IRAK4: variants seen among roughly 807,000 people sequenced by gnomAD.
IRAK4 encodes interleukin-1 receptor-associated kinase 4.
A neutral mutation model predicts 51.8 loss-of-function variants in IRAK4; 44 were observed. The observed-to-expected ratio is 0.85, with a 90% CI of 0.67 to 1.09. IRAK4 has a LOEUF of 1.09. IRAK4 is among the 50% of genes least tolerant of loss of function. The probability of loss-of-function intolerance (pLI) is 0.00; values close to 1 mark genes in which losing one functional copy is unlikely to be tolerated. For missense variants in IRAK4, 487 were observed against 538.0 expected, an observed-to-expected ratio of 0.91 and a Z score of 0.94; for synonymous variants, 149 against 174.1, an observed-to-expected ratio of 0.86 and a Z score of 1.13.
In IRAK4 at chr12:43,772,515, C is replaced by A. The variant is rs4251473; in HGVS notation, c.490+153C>A. Among the ~76,000 whole-genome samples, 17,556 of 152,148 alleles carry A rather than the reference C, an allele frequency of 0.12. 1,205 individuals are homozygous for A. Among genetic ancestry groups the A allele is most frequent in the African/African-American group, 0.19 (7,826 of 41,482 alleles). On this transcript the variant is annotated intron_variant, in intron 4 of 11. Coordinates refer to ENST00000613694, the MANE Select transcript of IRAK4 (RefSeq NM_016123.4). ...TTGTTTCCTCCTGATATATTAAGAACCATCTTCATTGTATTAATCAGTGAT... is the reference window on the plus strand; with the variant it reads ...TTGTTTCCTCCTGATATATTAAGAAACATCTTCATTGTATTAATCAGTGAT...
At chr12:43,768,067 A>G in intron 1 of IRAK4, 36 bp from the exon 2 acceptor site, 1 of 1,498,172 alleles carries the variant, frequency 6.7e-7, no homozygotes, top group Non-Finnish European at 9.3e-7. Flanking sequence ...CTCTAAAAGT[A>G]CTGTAAAATT....
chr12:43,780,957 T>A (rs1941729346), intron 8 of IRAK4, among the ~76,000 whole-genome samples: 1 of 152,220 alleles, frequency 6.6e-6, no homozygotes, highest in Non-Finnish European at 1.5e-5. Flanking sequence ...ATTATTAGCT[T>A]CCAATCCTGG....
intron 8 of IRAK4, among the ~76,000 whole-genome samples, chr12:43,781,842 G>A (rs2138041185): frequency 1.3e-5 from 2 of 152,244 alleles, no homozygotes; most frequent in South Asian, 4.1e-4. Context: ...AAGCCAGATA[G>A]TACAGAACAA....
At position 43,782,594 on chromosome 12, in the gene IRAK4, A is replaced by C. The variant is rs548140096; in HGVS notation, c.1125+104A>C. 122 of 977,360 alleles carry C rather than the reference A, an allele frequency of 1.2e-4. No individual in the cohort carries two copies. In the African/African-American group the frequency reaches 1.8e-3, roughly 14 times the overall value. The allele number at this position is 977,360 out of a possible 1,614,324, so 60.5% of individuals were successfully genotyped here. A position where few individuals can be genotyped will look rare whatever the true frequency, so the allele number is the denominator to read the frequency against. ...CCCATCTTGTTTATCTCTCTTATGT[A>C]ACAATATAAGTTTTTCACATTAACC... On this transcript the variant is annotated intron_variant, in intron 9 of 11. Transcript: ENST00000613694.
intron 8 of IRAK4, among the ~76,000 whole-genome samples, chr12:43,781,915 A>G (rs1431360696): frequency 6.6e-6 from 1 of 152,224 alleles, no homozygotes; most frequent in Non-Finnish European, 1.5e-5. Context: ...ATGAATTGAT[A>G]CATACTAAGA....
Position 43,779,607 on chromosome 12 carries a change from A to G in IRAK4, c.941+1305A>G, listed in dbSNP as rs1287514216. 3.9e-5 allele frequency among the ~76,000 whole-genome samples: 6 copies of G among 152,304 alleles called. No homozygotes were observed. In the South Asian group the frequency reaches 1.0e-3, roughly 26 times the overall value. ...AAACTTGTTGATACCTTGGCTATGC[A>G]GGGGTTCAGGAAGAGCGAAGTATCA... On this transcript the variant is annotated intron_variant, in intron 8 of 11. Coordinates refer to ENST00000613694, the MANE Select transcript of IRAK4 (RefSeq NM_016123.4).
chr12:43,771,306 A>C lies in IRAK4; in HGVS notation c.248A>C (p.Asp83Ala). ...GGCACCACAAATTGCACAGTTGGTG[A>C]TCTTGTGGATCTTTTGATCCAAAAT... ...DWGTTNCTVG[D>A]LVDLLIQNEF... The change falls in exon 3 of 12, where the codon GAT (aspartate) becomes GCT (alanine). Residue 83 changes from aspartate to alanine, a missense_variant. Transcript: ENST00000613694. 1 of 1,614,178 alleles carries C rather than the reference A, an allele frequency of 6.2e-7. No homozygotes were observed. The highest frequency in any genetic ancestry group is 2.2e-5 in the East Asian group (1 of 44,874).
chr12:43,764,406 A>G (rs1437282042), intron 1 of IRAK4, among the ~76,000 whole-genome samples: 1 of 152,236 alleles, frequency 6.6e-6, no homozygotes, highest in African/African-American at 2.4e-5. Flanking sequence ...CCTGGATGAT[A>G]GAGCAAGACT....
At chr12:43,765,756 T>C (rs1163028458) in intron 1 of IRAK4, among the ~76,000 whole-genome samples, 1 of 151,504 alleles carries the variant, frequency 6.6e-6, no homozygotes, top group Non-Finnish European at 1.5e-5. Flanking sequence ...ACCTCTCTCC[T>C]AAGCTCCAGA....
chr12:43,775,532 C>T (rs1941183981), intron 6 of IRAK4, among the ~76,000 whole-genome samples: 1 of 152,250 alleles, frequency 6.6e-6, no homozygotes, highest in East Asian at 1.9e-4. Flanking sequence ...GTAGCATTTT[C>T]CCATGTCACT....
intron 6 of IRAK4, among the ~76,000 whole-genome samples, chr12:43,777,023 A>T (rs527348551): frequency 1.3e-4 from 20 of 152,346 alleles, no homozygotes; most frequent in African/African-American, 4.8e-4. Flanking sequence ...AAAGAAAGTG[A>T]GCATCAGCCT....
At chr12:43,766,187 C>T (rs1940129725) in intron 1 of IRAK4, among the ~76,000 whole-genome samples, 1 of 152,152 alleles carries the variant, frequency 6.6e-6, no homozygotes, top group African/African-American at 2.4e-5. Context: ...GATGATCTGG[C>T]CCTGCTACCT....
intron 1 of IRAK4, among the ~76,000 whole-genome samples, chr12:43,765,323 G>A (rs2137872952): frequency 6.6e-6 from 1 of 152,324 alleles, no homozygotes; most frequent in African/African-American, 2.4e-5. Context: ...GAAAATCGAT[G>A]TGGATGGTCT....
chr12:43,768,689 C>G (rs1362248228), intron 2 of IRAK4: 1 of 158,250 alleles, frequency 6.3e-6, no homozygotes, highest in Non-Finnish European at 1.4e-5. Context: ...TATTTTGGGA[C>G]TTTTTCAATT....
At position 43,786,723 on chromosome 12, in the gene IRAK4, T is replaced by C. The variant is rs1207590581; in HGVS notation, c.*8T>C. ...GAGATGACAGCTTCTTAAAACTTTA[T>C]TGGAAAAGACTCTTGACTTTTTATA... On this transcript the variant is annotated 3_prime_UTR_variant, in exon 12 of 12. Transcript: ENST00000613694. 1.2e-6 allele frequency: 2 copies of C among 1,612,082 alleles called. No homozygotes were observed. The highest frequency in any genetic ancestry group is 1.3e-5 in the African/African-American group (1 of 74,992).
chr12:43,766,261 T>C (rs990150768), intron 1 of IRAK4, among the ~76,000 whole-genome samples: 1 of 152,184 alleles, frequency 6.6e-6, no homozygotes, highest in Admixed American at 6.5e-5. Context: ...GCAAGCTCTT[T>C]GCCTGAGACA....
In IRAK4 at chr12:43,771,277, C is replaced by G. The variant is rs374971450; in HGVS notation, c.219C>G (p.Asp73Glu). ...GKSPTSELLF[D>E]WGTTNCTVGD... ...GTCCCACTTCTGAATTACTGTTTGA[C>G]TGGGGCACCACAAATTGCACAGTTG... The change falls in exon 3 of 12, where the codon GAC becomes GAG. Residue 73 changes from aspartate (D) to glutamate (E), a missense_variant. Coordinates refer to ENST00000613694, the MANE Select transcript of IRAK4 (RefSeq NM_016123.4). 11 of 1,613,834 alleles carry G rather than the reference C, an allele frequency of 6.8e-6. No individual in the cohort carries two copies. Among genetic ancestry groups the G allele is most frequent in the Non-Finnish European group, 9.3e-6 (11 of 1,179,834 alleles).
At position 43,773,068 on chromosome 12, in the gene IRAK4, CAGCAGTAAGTTAT is replaced by C; in HGVS notation, c.649_651+10del. The C allele has an allele frequency of 6.2e-7, 1 of 1,612,548 alleles. No individual in the cohort carries two copies. Among genetic ancestry groups the C allele is most frequent in the Non-Finnish European group, 8.5e-7 (1 of 1,178,946 alleles). ...ACAACTGTGGCAGTGAAGAAGCTTG[CAGCAGTAAGTTAT>C]ATTTTCAGGAATAAAAAGAAAGAGT... On this transcript the variant is annotated splice_donor_variant and splice_donor_5th_base_variant and coding_sequence_variant and intron_variant, in exon 5 of 12. Transcript: ENST00000613694. LOFTEE classifies it high-confidence loss of function.
At chr12:43,760,275 C>T (rs1242932868) in intron 1 of IRAK4, among the ~76,000 whole-genome samples, 1 of 152,190 alleles carries the variant, frequency 6.6e-6, no homozygotes, top group Non-Finnish European at 1.5e-5. Context: ...TCTGCACTTG[C>T]TCTGCTACGA....
Sources: allele counts gnomAD v4.1 joint callset (sites outside exome capture counted in the v4.1 genomes callset), GRCh38; gene constraint gnomAD v4.1.1; transcripts MANE v1.5; gene names NCBI Gene and HGNC (gene_info 2026-07-23, HGNC 2026-07-21).